UNC5C: variants seen among roughly 807,000 people sequenced by gnomAD.
UNC5C encodes netrin receptor UNC5C.
In UNC5C, 47 loss-of-function variants were observed where a neutral mutation model predicts 99.8. That is an observed-to-expected ratio of 0.47 (90% CI 0.37 to 0.60). UNC5C has a LOEUF of 0.60. Ranked by LOEUF, UNC5C falls within the 20% of genes least tolerant of loss-of-function variation. The probability of loss-of-function intolerance (pLI) is 0.00; values close to 1 mark genes in which losing one functional copy is unlikely to be tolerated. For synonymous variants in UNC5C, 487 were observed against 452.2 expected (o/e 1.08, Z -0.98); for missense variants, 1,062 against 1,165.9 (o/e 0.91, Z 1.30).
chr4:95,422,154 T>C (rs1746337591), intron 1 of UNC5C, among the ~76,000 whole-genome samples: 3 of 152,220 alleles, frequency 2.0e-5, no homozygotes, highest in African/African-American at 7.2e-5. Flanking sequence ...AATGGAAACG[T>C]TACTCGTTTA....
intron 4 of UNC5C, among the ~76,000 whole-genome samples, chr4:95,253,179 C>G (rs1739806959): frequency 6.6e-6 from 1 of 152,142 alleles, no homozygotes; most frequent in Non-Finnish European, 1.5e-5. Context: ...AAACTACTCA[C>G]ATTCATACCT....
chr4:95,285,447 A>G (rs1741198388), intron 3 of UNC5C, among the ~76,000 whole-genome samples: 1 of 152,192 alleles, frequency 6.6e-6, no homozygotes, highest in African/African-American at 2.4e-5. Context: ...AAAAGTTTGG[A>G]AAATTATAAA....
At chr4:95,351,308 G>C (rs974181778) in intron 1 of UNC5C, among the ~76,000 whole-genome samples, 10 of 147,820 alleles carry the variant, frequency 6.8e-5, no homozygotes, top group African/African-American at 2.2e-4. Context: ...GGGTCAGGCA[G>C]TAAACCTGAC....
intron 1 of UNC5C, among the ~76,000 whole-genome samples, chr4:95,425,601 G>A (rs902101849): frequency 6.6e-6 from 1 of 152,198 alleles, no homozygotes; most frequent in African/African-American, 2.4e-5. Flanking sequence ...GAGCCACCGC[G>A]CCCGGCCTTG....
chr4:95,208,017 C>T (rs1229699516), intron 10 of UNC5C, among the ~76,000 whole-genome samples: 1 of 152,182 alleles, frequency 6.6e-6, no homozygotes, highest in Non-Finnish European at 1.5e-5. Context: ...TTTCCACCCT[C>T]AGCTGGAATA....
At chr4:95,176,520 C>T (rs1322409009) in intron 14 of UNC5C, among the ~76,000 whole-genome samples, 4 of 152,036 alleles carry the variant, frequency 2.6e-5, no homozygotes, top group African/African-American at 9.7e-5. Context: ...TGTCAGTCTG[C>T]CCCTGCTGGG....
intron 1 of UNC5C, among the ~76,000 whole-genome samples, chr4:95,429,558 A>T (rs1325023929): frequency 6.6e-6 from 1 of 152,130 alleles, no homozygotes; most frequent in African/African-American, 2.4e-5. Context: ...AAAAAAAAGA[A>T]GAAAAAAAAT....
At chr4:95,429,916 A>G (rs1380617338) in intron 1 of UNC5C, among the ~76,000 whole-genome samples, 1 of 152,166 alleles carries the variant, frequency 6.6e-6, no homozygotes, top group African/African-American at 2.4e-5. Context: ...TGAAAAGGCT[A>G]CATACTGTAT....
chr4:95,491,641 T>G (rs1368163539), intron 1 of UNC5C, among the ~76,000 whole-genome samples: 1 of 151,584 alleles, frequency 6.6e-6, no homozygotes, highest in Admixed American at 6.6e-5. Context: ...CCACATCAGA[T>G]AGTTCCAGAA....
chr4:95,399,986 AT>A (rs1415917435), intron 1 of UNC5C, among the ~76,000 whole-genome samples: 1 of 152,222 alleles, frequency 6.6e-6, no homozygotes, highest in Non-Finnish European at 1.5e-5. Flanking sequence ...ATTCACAGGA[AT>A]ATATCTTGAA....
intron 1 of UNC5C, among the ~76,000 whole-genome samples, chr4:95,529,216 T>C (rs1026220299): frequency 1.3e-5 from 2 of 150,840 alleles, no homozygotes; most frequent in Non-Finnish European, 3.0e-5. Context: ...TGTACTGATT[T>C]TTTTCCTCCA....
At chr4:95,295,976 C>G (rs1579304039) in intron 3 of UNC5C, among the ~76,000 whole-genome samples, 1 of 152,112 alleles carries the variant, frequency 6.6e-6, no homozygotes. Flanking sequence ...ATCCCAGCTA[C>G]ATGGGGGGGA....
At chr4:95,344,562 T>C (rs567985461) in intron 1 of UNC5C, among the ~76,000 whole-genome samples, 21 of 152,186 alleles carry the variant, frequency 1.4e-4, no homozygotes, top group Non-Finnish European at 2.9e-4. Flanking sequence ...ACGTTATAAT[T>C]CTGGTATGTA....
intron 1 of UNC5C, among the ~76,000 whole-genome samples, chr4:95,481,247 C>G (rs1721144385): frequency 3.3e-5 from 5 of 152,146 alleles, no homozygotes; most frequent in Admixed American, 2.6e-4. Flanking sequence ...CATGAGTGAG[C>G]TCCCATTCAC....
chr4:95,270,677 A>C (rs1438701555), intron 4 of UNC5C, among the ~76,000 whole-genome samples: 1 of 152,208 alleles, frequency 6.6e-6, no homozygotes, highest in Non-Finnish European at 1.5e-5. Flanking sequence ...GAGGAGATAA[A>C]AGCATGATGA....
At chr4:95,323,148 A>G (rs1173029647) in intron 2 of UNC5C, among the ~76,000 whole-genome samples, 1 of 152,160 alleles carries the variant, frequency 6.6e-6, no homozygotes, top group African/African-American at 2.4e-5. Context: ...AGAATGAGTA[A>G]GATGCTGACA....
chr4:95,190,054 C>G (rs181714564), intron 12 of UNC5C, among the ~76,000 whole-genome samples: 1 of 152,180 alleles, frequency 6.6e-6, no homozygotes, highest in Non-Finnish European at 1.5e-5. Context: ...ATGTTTATTG[C>G]GGCACTATTC....
intron 1 of UNC5C, among the ~76,000 whole-genome samples, chr4:95,524,565 C>T (rs1344745058): frequency 6.6e-6 from 1 of 152,122 alleles, no homozygotes; most frequent in Non-Finnish European, 1.5e-5. Flanking sequence ...CCATATTGGG[C>T]CCATATTCCT....
intron 7 of UNC5C, among the ~76,000 whole-genome samples, chr4:95,224,215 GGAGATTGCAGTGAGCA>G (rs1398375685): frequency 1.3e-5 from 2 of 152,184 alleles, no homozygotes; most frequent in East Asian, 1.9e-4. Flanking sequence ...ACTGGGAGGC[GGAGATTGCAGTGAGCA>G]GAGATTGCGC....
Sources: allele counts gnomAD v4.1 joint callset (sites outside exome capture counted in the v4.1 genomes callset), GRCh38; gene constraint gnomAD v4.1.1; transcripts MANE v1.5; gene names NCBI Gene and HGNC (gene_info 2026-07-23, HGNC 2026-07-21).